The following PPARGC1B variants were observed in gnomAD, a reference collection of about 807,000 sequenced individuals.
The protein encoded by PPARGC1B is peroxisome proliferator-activated receptor gamma coactivator 1-beta.
Under a neutral mutation model 101.6 loss-of-function variants are expected in PPARGC1B, and 34 were observed. That is an observed-to-expected ratio of 0.33 (90% CI 0.25 to 0.45). The LOEUF (loss-of-function observed/expected upper bound fraction) is 0.45, where lower values mean the gene tolerates loss of function less well. Among genes scored for constraint, PPARGC1B ranks in the 20% least tolerant of loss-of-function variants. The pLI, the probability that PPARGC1B is intolerant of heterozygous loss-of-function variation, is 1.00. For synonymous variants in PPARGC1B, 548 were observed against 539.3 expected, an observed-to-expected ratio of 1.02 and a Z score of -0.22; for missense variants, 1,234 against 1,317.6, an observed-to-expected ratio of 0.94 and a Z score of 0.98.
chr5:149,738,659 G>A lies in PPARGC1B; in HGVS notation c.78+8239G>A, dbSNP rs571952868. ...ACTCTGTCGCCCAGGTTGGAGTGCA[G>A]TGGTGCAATCTCGGCTCACTGCAAC... On this transcript the variant is annotated intron_variant, in intron 1 of 11. Transcript: ENST00000309241. 1.8e-3 allele frequency among the ~76,000 whole-genome samples: 275 copies of A among 151,894 alleles called. 3 individuals are homozygous for A. In the Middle Eastern group the frequency reaches 0.02, roughly 11 times the overall value.
At chr5:149,830,481 C>T (rs1292825180) in intron 3 of PPARGC1B, among the ~76,000 whole-genome samples, 1 of 151,968 alleles carries the variant, frequency 6.6e-6, no homozygotes, top group African/African-American at 2.4e-5. Context: ...CAGACGTTAC[C>T]CAAGACCTGC....
At chr5:149,827,195 A>G (rs1337452253) in intron 3 of PPARGC1B, among the ~76,000 whole-genome samples, 1 of 152,276 alleles carries the variant, frequency 6.6e-6, no homozygotes, top group African/African-American at 2.4e-5. Context: ...TGAAGATTGC[A>G]CACACATGGT....
chr5:149,832,198 A>T lies in PPARGC1B; in HGVS notation c.583-458A>T, dbSNP rs1344213853. Among the ~76,000 whole-genome samples, 1 of 151,788 alleles carries T rather than the reference A, an allele frequency of 6.6e-6. No homozygotes were observed. The highest frequency in any genetic ancestry group is 1.5e-5 in the Non-Finnish European group (1 of 67,946). ...GTGATGCACGCCTGTAATCCCAACT[A>T]CTCGGGAGGCTGAGGCAGGAGAATC... On this transcript the variant is annotated intron_variant, in intron 4 of 11. Coordinates refer to ENST00000309241, the MANE Select transcript of PPARGC1B (RefSeq NM_133263.4). The surrounding 1 kb of genome is among the most constrained non-coding windows in gnomAD (Gnocchi z 4.9).
At chr5:149,803,635 C>CT (rs1757502555) in intron 1 of PPARGC1B, among the ~76,000 whole-genome samples, 1 of 152,170 alleles carries the variant, frequency 6.6e-6, no homozygotes, top group Admixed American at 6.5e-5. Context: ...GATTTTCCCC[C>CT]TTTCCTAGTT....
Position 149,842,250 on chromosome 5 carries a change from G to T in PPARGC1B, c.2695-6G>T, listed in dbSNP as rs1340716913. 6.2e-7 allele frequency: 1 copy of T among 1,612,612 alleles called. No individual in the cohort carries two copies. On this transcript the variant is annotated splice_polypyrimidine_tract_variant and splice_region_variant and intron_variant, in intron 9 of 11. Coordinates refer to ENST00000309241, the MANE Select transcript of PPARGC1B (RefSeq NM_133263.4). ...GGAGTCTCTCTCTGTCCTCCTTCTT[G>T]GGCAGGGGGAAGGCCGCGTGGTGTA...
chr5:149,797,081 T>A (rs964716443), intron 1 of PPARGC1B, among the ~76,000 whole-genome samples: 13 of 152,218 alleles, frequency 8.5e-5, no homozygotes, highest in African/African-American at 3.1e-4. Flanking sequence ...GTGACCCACA[T>A]CCCTCCTTGA....
chr5:149,750,453 A>ATATATATATATATAT (rs1755246049), intron 1 of PPARGC1B, among the ~76,000 whole-genome samples: 1 of 123,230 alleles, frequency 8.1e-6, no homozygotes, highest in African/African-American at 3.1e-5. Context: ...TTTTAGTTAA[A>ATATATATATATATAT]ATATATATAT....
intron 1 of PPARGC1B, among the ~76,000 whole-genome samples, chr5:149,735,251 A>T (rs1287577938): frequency 1.3e-5 from 2 of 152,186 alleles, no homozygotes; most frequent in Non-Finnish European, 2.9e-5. Context: ...GATGCCTGTG[A>T]AACCCAGGAA....
rs145066643 is a variant in PPARGC1B at position 149,762,155 on chromosome 5, G to GTTTT, written c.78+31749_78+31752dup. 1.7e-4 allele frequency among the ~76,000 whole-genome samples: 23 copies of GTTTT among 133,696 alleles called. 1 individual carries two copies. The highest frequency in any genetic ancestry group is 6.4e-4 in the African/African-American group (23 of 35,860). 87.7% of individuals were successfully genotyped at this position (133,696 alleles called of 152,430 possible). On this transcript the variant is annotated intron_variant, in intron 1 of 11. Transcript: ENST00000309241. ...GTGACTTGGGTCAGGAATCCCATGG[G>GTTTT]TTTTTTTTTTTTTTTTTGAGATGGA...
In PPARGC1B at chr5:149,832,675, A is replaced by G. The variant is rs1758839497; in HGVS notation, c.602A>G (p.Lys201Arg). ...CTCTAGGCGGACAGCACCCAAGACA[A>G]GAAGGCTCCCATGATGCAGTCTCAG... Reference protein sequence around the residue: ...PCVKADSTQDKKAPMMQSQSR... With the variant: ...PCVKADSTQDRKAPMMQSQSR... Residue 201 changes from lysine to arginine, a missense_variant, in exon 5 of 12, where the codon AAG becomes AGG. Lys to Arg is a conservative substitution (Grantham distance 26). Transcript: ENST00000309241. This position sits in a 1 kb window ranked among gnomAD's most constrained non-coding sequence, Gnocchi z 4.9. The G allele has an allele frequency of 6.5e-7, 1 of 1,547,036 alleles. No homozygotes were observed. Among genetic ancestry groups the G allele is most frequent in the Admixed American group, 1.9e-5 (1 of 51,928 alleles).
At chr5:149,856,956 A>C (rs1020105155), downstream of PPARGC1B, among the ~76,000 whole-genome samples, 17 of 152,042 alleles carry the variant, frequency 1.1e-4, no homozygotes, top group African/African-American at 4.1e-4. Flanking sequence ...TTTTTAGTAG[A>C]GACAGGGTTT....
rs765231237 is a variant in PPARGC1B, at chr5:149,840,082, T to G, written c.2660T>G (p.Ile887Ser). ...CCGTGTTCAGACAGAACGCCAAGCATCCGGCACGCCAGGAAGCGGCGGGAA... is the reference window on the plus strand; with the variant it reads ...CCGTGTTCAGACAGAACGCCAAGCAGCCGGCACGCCAGGAAGCGGCGGGAA... ...RGPCSDRTPSIRHARKRREKA... is the reference protein window; with the variant it reads ...RGPCSDRTPSSRHARKRREKA... The change falls in exon 9 of 12, where the codon ATC becomes AGC. Residue 887 changes from isoleucine (I) to serine (S), a missense_variant. Ile to Ser is a moderately radical substitution (Grantham distance 142). Transcript: ENST00000309241. The G allele has an allele frequency of 1.2e-6, 2 of 1,613,842 alleles. No homozygotes were observed. Among genetic ancestry groups the G allele is most frequent in the Non-Finnish European group, 1.7e-6 (2 of 1,179,904 alleles).
chr5:149,786,003 C>T (rs1266410346), intron 1 of PPARGC1B, among the ~76,000 whole-genome samples: 9 of 151,430 alleles, frequency 5.9e-5, no homozygotes, highest in South Asian at 2.1e-4. Context: ...ACTGTAGCCT[C>T]GACCTCCCGG....
At chr5:149,839,993 T>G in intron 8 of PPARGC1B, 48 bp from the exon 9 acceptor site, 7 of 1,513,582 alleles carry the variant, frequency 4.6e-6, no homozygotes, top group South Asian at 1.1e-5. Flanking sequence ...CCCACCCCCA[T>G]GGTATCTCCC....
intron 1 of PPARGC1B, among the ~76,000 whole-genome samples, chr5:149,796,536 C>A (rs1020711545): frequency 3.3e-5 from 5 of 152,108 alleles, no homozygotes; most frequent in Admixed American, 3.3e-4. Context: ...ATTTTGGCTA[C>A]TGTGGGAGAG....
chr5:149,798,709 C>T (rs1321331239), intron 1 of PPARGC1B, among the ~76,000 whole-genome samples: 1 of 152,186 alleles, frequency 6.6e-6, no homozygotes, highest in Non-Finnish European at 1.5e-5. Context: ...GACTTTGGTC[C>T]AATTCCGACT....
intron 1 of PPARGC1B, among the ~76,000 whole-genome samples, chr5:149,759,185 A>C (rs977181603): frequency 2.0e-5 from 3 of 152,152 alleles, no homozygotes; most frequent in Admixed American, 6.5e-5. Context: ...ATCTTCATTA[A>C]GGTTTAAAGA....
At chr5:149,857,861 C>T (rs1759996687), downstream of PPARGC1B, 1 of 152,214 alleles carries the variant, frequency 6.6e-6, no homozygotes, top group African/African-American at 2.4e-5. Context: ...GAGTGGTTTA[C>T]CGTTTGGGGA....
Position 149,836,708 on chromosome 5 carries a change from C to T in PPARGC1B, c.2253C>T (p.Asp751=). The change falls in exon 8 of 12, where the codon GAC becomes GAT. Residue 751 remains aspartate (D), a synonymous_variant. Transcript: ENST00000309241. ...GTGATGCTGGCGCCCCACCCAAGGA[C>T]AGCACGCTGCTGAGAGACCATGAGA... ...RSCDAGAPPK[D]STLLRDHEIR... is the part of the protein sequence containing the mutation. 1 of 1,613,756 alleles carries T rather than the reference C, an allele frequency of 6.2e-7. No individual in the cohort carries two copies. The highest frequency in any genetic ancestry group is 8.5e-7 in the Non-Finnish European group (1 of 1,180,024).
Sources: gnomAD v4.1 joint callset for allele counts (sites outside exome capture counted in the v4.1 genomes callset) on GRCh38, gnomAD v4.1.1 for gene constraint, Gnocchi (gnomAD v3.1) non-coding constraint, MANE v1.5 for transcripts, NCBI Gene and HGNC (gene_info 2026-07-23, HGNC 2026-07-21) for gene names.